The following TRIM5 variants were observed in gnomAD, a reference collection of about 807,000 sequenced individuals.
The protein encoded by TRIM5 is tripartite motif-containing protein 5.
A neutral mutation model predicts 35.6 loss-of-function variants in TRIM5; 31 were observed. The observed-to-expected ratio is 0.87, with a 90% CI of 0.65 to 1.18. The LOEUF is 1.18. TRIM5 is among the 50% of genes most tolerant of loss of function. The probability of loss-of-function intolerance (pLI) is 0.00; values close to 1 mark genes in which losing one functional copy is unlikely to be tolerated. For missense variants in TRIM5, 609 were observed against 591.6 expected, an observed-to-expected ratio of 1.03 and a Z score of -0.31; for synonymous variants, 243 against 215.6, an observed-to-expected ratio of 1.13 and a Z score of -1.11.
the TRIM5 span, chr11:5,596,996 C>T: frequency 1.9e-6 from 3 of 1,606,214 alleles, 1 homozygote; most frequent in South Asian, 2.2e-5. Context: ...AAGGTCCTTT[C>T]CCTTTCGGAA....
Position 5,664,633 on chromosome 11 carries a change from G to A in TRIM5, c.*176C>T. On this transcript the variant is annotated 3_prime_UTR_variant, in exon 8 of 8. Coordinates refer to ENST00000380034, the MANE Select transcript of TRIM5 (RefSeq NM_033034.3). ...TGCTATCAAATGTCAATAAAATATT[G>A]GGGACAATATGGCACAAGGCAATTA... 2.2e-6 allele frequency: 3 copies of A among 1,341,354 alleles called. No individual in the cohort carries two copies. The highest frequency in any genetic ancestry group is 2.9e-6 in the Non-Finnish European group (3 of 1,051,002). 83.1% of individuals were successfully genotyped at this position (1,341,354 alleles called of 1,614,324 possible). A position where few individuals can be genotyped will look rare whatever the true frequency, so the allele number is the denominator to read the frequency against.
At chr11:5,633,264 A>C in the TRIM5 span, among the ~76,000 whole-genome samples, 2 of 150,858 alleles carry the variant, frequency 1.3e-5, no homozygotes, top group Admixed American at 6.6e-5. Flanking sequence ...TGGAACCATA[A>C]TTCTGAGTCC....
the TRIM5 span, among the ~76,000 whole-genome samples, chr11:5,592,914 C>CAAAAAAAAAAA: frequency 4.5e-5 from 3 of 67,212 alleles, no homozygotes; most frequent in African/African-American, 1.3e-4. Context: ...GAGATTGTCT[C>CAAAAAAAAAAA]AAAAAAAAAA....
the TRIM5 span, among the ~76,000 whole-genome samples, chr11:5,599,295 T>G: frequency 1.9e-4 from 29 of 152,216 alleles, no homozygotes; most frequent in African/African-American, 7.0e-4. Context: ...AATACAGTTT[T>G]GCCTGAAATG....
the TRIM5 span, among the ~76,000 whole-genome samples, chr11:5,649,567 C>G: frequency 6.6e-6 from 1 of 152,252 alleles, no homozygotes; most frequent in African/African-American, 2.4e-5. Context: ...CTGTCTTTGC[C>G]TGTTGGTTCA....
At chr11:5,662,058 G>A (rs542583438), downstream of TRIM5, among the ~76,000 whole-genome samples, 1 of 152,306 alleles carries the variant, frequency 6.6e-6, no homozygotes, top group African/African-American at 2.4e-5. Context: ...TGACAGGAAA[G>A]CAGAGGTAAA....
At chr11:5,634,751 G>T in the TRIM5 span, 1 of 1,614,122 alleles carries the variant, frequency 6.2e-7, no homozygotes, top group Non-Finnish European at 8.5e-7. Flanking sequence ...GAAGACGCTG[G>T]ATAAGTTTGC....
the TRIM5 span, among the ~76,000 whole-genome samples, chr11:5,619,440 T>C: frequency 6.6e-6 from 1 of 151,768 alleles, no homozygotes; most frequent in Non-Finnish European, 1.5e-5. Context: ...TCTGAACATA[T>C]TTCAGAATGG....
Position 5,663,269 on chromosome 11 carries a change from T to A in TRIM5, c.*1540A>T. On this transcript the variant is annotated 3_prime_UTR_variant, in exon 8 of 8. Transcript: ENST00000380034. ...CTACATCAGCTAATTTTATTATAAT[T>A]ATTTTTTACAATTAATAAACTGATT... is the stretch of plus-strand genomic sequence containing the variant. 1.1e-6 allele frequency: 1 copy of A among 951,914 alleles called. No homozygotes were observed. Among genetic ancestry groups the A allele is most frequent in the Non-Finnish European group, 1.3e-6 (1 of 799,508 alleles). 59.0% of individuals were successfully genotyped at this position (951,914 alleles called of 1,614,324 possible). A position where few individuals can be genotyped will look rare whatever the true frequency, so the allele number is the denominator to read the frequency against.
chr11:5,643,638 C>T, the TRIM5 span: 1 of 1,614,094 alleles, frequency 6.2e-7, no homozygotes, highest in East Asian at 2.2e-5. Flanking sequence ...TTGCTTTTCT[C>T]AGCCTGTTTA....
the TRIM5 span, among the ~76,000 whole-genome samples, chr11:5,607,072 C>T: frequency 0.57 from 85,722 of 150,532 alleles, 24,806 homozygotes; most frequent in East Asian, 0.7. Flanking sequence ...GGCGTGGTGG[C>T]GGGCGCCTGT....
chr11:5,644,030 G>T, the TRIM5 span: 2 of 454,302 alleles, frequency 4.4e-6, no homozygotes, highest in Non-Finnish European at 7.6e-6. Context: ...CACCATCCAT[G>T]CTACCTAGGT....
In TRIM5 at chr11:5,679,651, T is replaced by A. The variant is rs929144188; in HGVS notation, c.417+110A>T. On this transcript the variant is annotated intron_variant, in intron 2 of 7. Coordinates refer to ENST00000380034, the MANE Select transcript of TRIM5 (RefSeq NM_033034.3). ...GTTAAGCATAGCATGAAAAAAATAA[T>A]CCCGGGTCTCAGGTCTATCATGACA... 5.8e-5 allele frequency: 70 copies of A among 1,200,696 alleles called. No individual in the cohort carries two copies. In the South Asian group the frequency reaches 7.0e-4, roughly 12 times the overall value. The allele number at this position is 1,200,696 out of a possible 1,614,324, so 74.4% of individuals were successfully genotyped here.
At chr11:5,667,378 T>G (rs1982990) in intron 5 of TRIM5, among the ~76,000 whole-genome samples, 8,933 of 152,092 alleles carry the variant, frequency 0.059, 751 homozygotes, top group African/African-American at 0.19. Flanking sequence ...CCCTAATTTT[T>G]GTATTTTTTT....
the TRIM5 span, among the ~76,000 whole-genome samples, chr11:5,615,236 G>A: frequency 1.3e-5 from 2 of 152,260 alleles, no homozygotes; most frequent in Admixed American, 6.5e-5. Flanking sequence ...TGAAAGAAAT[G>A]TGTATTCTGT....
chr11:5,622,196 A>T, the TRIM5 span, among the ~76,000 whole-genome samples: 5 of 152,218 alleles, frequency 3.3e-5, no homozygotes, highest in Admixed American at 3.3e-4. Context: ...CTGTAATCCC[A>T]GGACTTCGGG....
the TRIM5 span, chr11:5,645,880 A>AAT: frequency 0.023 from 3,152 of 137,172 alleles, 74 homozygotes; most frequent in African/African-American, 0.051. Context: ...AAAAAAAAAA[A>AAT]ATATATATAT....
chr11:5,604,436 T>C, the TRIM5 span: 198 of 1,354,536 alleles, frequency 1.5e-4, no homozygotes, highest in Non-Finnish European at 1.9e-4. Context: ...GACAGGCTTC[T>C]TTTGAGGTTA....
rs1353153936 is a variant in TRIM5, at chr11:5,680,162, G to C, written c.16C>G (p.Leu6Val). The change falls in exon 2 of 8, where the codon CTG becomes GTG. Residue 6 changes from leucine to valine, a missense_variant. Physicochemically the swap from Leu to Val is conservative, Grantham distance 32. Transcript: ENST00000380034. Reference sequence around the variant, plus strand: ...GTCACCTCCTCCTTTACATTAACCAGGATTCCAGAAGCCATAGTAGCTATT... The same window carrying C: ...GTCACCTCCTCCTTTACATTAACCACGATTCCAGAAGCCATAGTAGCTATT... MASGI[L>V]VNVKEEVTCP... The C allele has an allele frequency of 6.2e-7, 1 of 1,608,504 alleles. No individual in the cohort carries two copies. Among genetic ancestry groups the C allele is most frequent in the Non-Finnish European group, 8.5e-7 (1 of 1,176,884 alleles).
Sources: gnomAD v4.1 joint callset for allele counts (sites outside exome capture counted in the v4.1 genomes callset) on GRCh38, gnomAD v4.1.1 for gene constraint, MANE v1.5 for transcripts, NCBI Gene and HGNC (gene_info 2026-07-23, HGNC 2026-07-21) for gene names.